Variants in CEP112 observed in about 807,000 individuals in gnomAD.
CEP112 encodes the protein centrosomal protein 112, also known as centrosomal protein of 112 kDa.
Under a neutral mutation model 153.0 loss-of-function variants are expected in CEP112, and 127 were observed. The observed-to-expected ratio is 0.83, with a 90% CI of 0.72 to 0.96. CEP112 has a LOEUF of 0.96. CEP112 is among the 40% of genes least tolerant of loss of function. The pLI, the probability that CEP112 is intolerant of heterozygous loss-of-function variation, is 0.00. For synonymous variants in CEP112, 358 were observed against 374.4 expected, an observed-to-expected ratio of 0.96 and a Z score of 0.51; for missense variants, 1,089 against 1,101.2, an observed-to-expected ratio of 0.99 and a Z score of 0.16.
chr17:66,079,629 C>T (rs1410765228), intron 8 of CEP112, among the ~76,000 whole-genome samples: 1 of 151,922 alleles, frequency 6.6e-6, no homozygotes, highest in Non-Finnish European at 1.5e-5. Context: ...CTACCATTGA[C>T]TTTTTTTTCA....
intron 23 of CEP112, among the ~76,000 whole-genome samples, chr17:65,740,604 G>A (rs1439760874): frequency 6.6e-6 from 1 of 152,150 alleles, no homozygotes. Context: ...TGAGTACTAG[G>A]TTTACTCTCT....
At chr17:66,176,474 A>T (rs1598499245) in intron 3 of CEP112, among the ~76,000 whole-genome samples, 1 of 152,232 alleles carries the variant, frequency 6.6e-6, no homozygotes, top group South Asian at 2.1e-4. Context: ...AAACGTTTAA[A>T]TAATATATAT....
chr17:66,142,509 T>A (rs2070745926), intron 4 of CEP112, among the ~76,000 whole-genome samples: 1 of 152,178 alleles, frequency 6.6e-6, no homozygotes, highest in East Asian at 1.9e-4. Flanking sequence ...TTTAACGCAT[T>A]TCTAGTTGAT....
intron 19 of CEP112, among the ~76,000 whole-genome samples, chr17:65,909,413 G>C (rs1220282279): frequency 6.6e-6 from 1 of 152,126 alleles, no homozygotes; most frequent in Non-Finnish European, 1.5e-5. Context: ...AATGATAATT[G>C]CTCTCCCTTA....
At chr17:66,062,243 G>C (rs1447324577) in intron 11 of CEP112, among the ~76,000 whole-genome samples, 4 of 151,956 alleles carry the variant, frequency 2.6e-5, no homozygotes, top group Non-Finnish European at 5.9e-5. Context: ...ACTAATATAG[G>C]AGAAATAAAT....
chr17:65,668,839 C>T (rs2144005673), intron 24 of CEP112, among the ~76,000 whole-genome samples: 1 of 152,300 alleles, frequency 6.6e-6, no homozygotes, highest in Non-Finnish European at 1.5e-5. Context: ...GCAAGCACCA[C>T]ACAAAATTGG....
chr17:65,906,944 T>C (rs2060106673), intron 19 of CEP112, among the ~76,000 whole-genome samples: 1 of 152,240 alleles, frequency 6.6e-6, no homozygotes. Flanking sequence ...CATTTAAGCA[T>C]GTAACACACT....
At chr17:66,110,693 A>G (rs2068995743) in intron 6 of CEP112, among the ~76,000 whole-genome samples, 1 of 151,886 alleles carries the variant, frequency 6.6e-6, no homozygotes, top group African/African-American at 2.4e-5. Context: ...AAAAAAGCAT[A>G]AATACAAAAA....
intron 4 of CEP112, among the ~76,000 whole-genome samples, chr17:66,139,344 C>T (rs2070582237): frequency 1.3e-5 from 2 of 152,188 alleles, no homozygotes; most frequent in African/African-American, 4.8e-5. Context: ...TGGCTCATGC[C>T]TGTAATCCCA....
intron 24 of CEP112, among the ~76,000 whole-genome samples, chr17:65,682,621 A>T (rs2144262112): frequency 6.6e-6 from 1 of 152,310 alleles, no homozygotes; most frequent in Non-Finnish European, 1.5e-5. Context: ...AATAAAGAGT[A>T]GACACTCAGT....
At chr17:65,849,949 T>A (rs1439735182) in intron 21 of CEP112, among the ~76,000 whole-genome samples, 3 of 151,672 alleles carry the variant, frequency 2.0e-5, no homozygotes, top group African/African-American at 7.3e-5. Flanking sequence ...AAGTCAGGAG[T>A]TTGAGACCAT....
At chr17:65,770,072 T>C (rs2053247640) in intron 21 of CEP112, among the ~76,000 whole-genome samples, 1 of 151,576 alleles carries the variant, frequency 6.6e-6, no homozygotes. Context: ...GGAAAAATAT[T>C]TGCAGATGGA....
intron 24 of CEP112, among the ~76,000 whole-genome samples, chr17:65,641,859 C>T (rs1038806807): frequency 1.1e-4 from 17 of 152,272 alleles, no homozygotes; most frequent in African/African-American, 1.7e-4. Context: ...GCTGTGTCTC[C>T]GACCCTCTTT....
chr17:65,980,259 A>T (rs1026976547), intron 17 of CEP112, among the ~76,000 whole-genome samples: 1 of 152,232 alleles, frequency 6.6e-6, no homozygotes, highest in Admixed American at 6.5e-5. Flanking sequence ...GTAATAAAAA[A>T]CTTGAGGATT....
chr17:66,070,043 C>T (rs1357628710), intron 8 of CEP112, 42 bp from the exon 9 acceptor site: 1 of 1,188,576 alleles, frequency 8.4e-7, no homozygotes, highest in East Asian at 2.4e-5. Flanking sequence ...ATTTACTTTC[C>T]CTTTGGCAAA....
chr17:65,863,334 T>C (rs1398216242), intron 20 of CEP112, among the ~76,000 whole-genome samples: 1 of 152,186 alleles, frequency 6.6e-6, no homozygotes, highest in Non-Finnish European at 1.5e-5. Flanking sequence ...AGATAAAAGT[T>C]ACTACTAGAA....
At chr17:65,795,464 T>A (rs1312237771) in intron 21 of CEP112, among the ~76,000 whole-genome samples, 1 of 152,180 alleles carries the variant, frequency 6.6e-6, no homozygotes, top group African/African-American at 2.4e-5. Context: ...GACTCCAAAA[T>A]TCTAGACTAC....
chr17:65,875,247 C>T (rs745535692), intron 20 of CEP112, among the ~76,000 whole-genome samples: 8 of 152,012 alleles, frequency 5.3e-5, no homozygotes, highest in Non-Finnish European at 1.2e-4. Flanking sequence ...AAAGTTGACA[C>T]AAATAGAAAA....
chr17:65,916,285 G>GTGTGTGTGTGTGTGTGTGTGTATGTGTA (rs1568222913), intron 19 of CEP112, among the ~76,000 whole-genome samples: 2 of 148,306 alleles, frequency 1.3e-5, no homozygotes, highest in African/African-American at 2.5e-5. Context: ...GTGTGTGTGT[G>GTGTGTGTGTGTGTGTGTGTGTATGTGTA]TGTGTGTATG....
Sources: allele counts gnomAD v4.1 joint callset (sites outside exome capture counted in the v4.1 genomes callset), GRCh38; gene constraint gnomAD v4.1.1; transcripts MANE v1.5; gene names NCBI Gene and HGNC (gene_info 2026-07-23, HGNC 2026-07-21).